FARS2: variants seen among roughly 807,000 people sequenced by gnomAD.
FARS2 encodes phenylalanyl-tRNA synthetase 2, mitochondrial.
In FARS2, 40 loss-of-function variants were observed where a neutral mutation model predicts 46.4. That is an observed-to-expected ratio of 0.86 (90% CI 0.67 to 1.12). The LOEUF is 1.12. FARS2 is among the 50% of genes most tolerant of loss of function. The pLI, the probability that FARS2 is intolerant of heterozygous loss-of-function variation, is 0.00. For synonymous variants in FARS2, 234 were observed against 214.9 expected, an observed-to-expected ratio of 1.09 and a Z score of -0.78; for missense variants, 513 against 567.9, an observed-to-expected ratio of 0.90 and a Z score of 0.98.
intron 4 of FARS2, among the ~76,000 whole-genome samples, chr6:5,500,522 G>A (rs1206599342): frequency 6.6e-6 from 1 of 152,204 alleles, no homozygotes; most frequent in African/African-American, 2.4e-5. Flanking sequence ...CTCAGATGCA[G>A]CTTGCAGAGG....
At chr6:5,650,670 G>C (rs560711342) in intron 6 of FARS2, among the ~76,000 whole-genome samples, 3 of 152,086 alleles carry the variant, frequency 2.0e-5, no homozygotes, top group Non-Finnish European at 4.4e-5. Flanking sequence ...TAGTAGATGG[G>C]GTTTCACCGT....
intron 6 of FARS2, among the ~76,000 whole-genome samples, chr6:5,746,719 CCAGT>C (rs1356502981): frequency 6.6e-6 from 1 of 151,990 alleles, no homozygotes; most frequent in Non-Finnish European, 1.5e-5. Context: ...CTTTGTCGCC[CCAGT>C]CAGTGCATGG....
chr6:5,519,326 G>A (rs1255694448), intron 4 of FARS2, among the ~76,000 whole-genome samples: 2 of 152,176 alleles, frequency 1.3e-5, no homozygotes, highest in African/African-American at 2.4e-5. Context: ...TGGTGTGATA[G>A]AAGCCAGATC....
Position 5,616,025 on chromosome 6 carries a change from A to C in FARS2, c.1217+2705A>C, listed in dbSNP as rs897210792. On this transcript the variant is annotated intron_variant, in intron 6 of 6. Coordinates refer to ENST00000274680, the MANE Select transcript of FARS2 (RefSeq NM_006567.5). ...CCATAGCTCTTAAAAAAAAAAAAAA[A>C]AAAAAAAAAACAACGAAACAAACAA... is the stretch of plus-strand genomic sequence containing the variant. Among the ~76,000 whole-genome samples, 23 of 151,074 alleles carry C rather than the reference A, an allele frequency of 1.5e-4. No individual in the cohort carries two copies. The East Asian group carries it at 2.3e-3, about 15-fold the overall frequency.
intron 6 of FARS2, among the ~76,000 whole-genome samples, chr6:5,710,345 C>A (rs1290117288): frequency 6.6e-6 from 1 of 152,134 alleles, no homozygotes; most frequent in Non-Finnish European, 1.5e-5. Flanking sequence ...TAAATGGGAC[C>A]CTTTGTGTAG....
chr6:5,445,845 C>G (rs534041992), intron 4 of FARS2, among the ~76,000 whole-genome samples: 17 of 152,220 alleles, frequency 1.1e-4, no homozygotes, highest in African/African-American at 4.1e-4. Flanking sequence ...TGACAGTAAC[C>G]TAGGAGGCTG....
intron 5 of FARS2, among the ~76,000 whole-genome samples, chr6:5,564,183 G>A (rs1019276591): frequency 2.6e-5 from 4 of 152,188 alleles, no homozygotes; most frequent in Non-Finnish European, 4.4e-5. Context: ...GCAAATAGTA[G>A]AGTGAGGACA....
chr6:5,565,780 A>G (rs2150548344), intron 5 of FARS2, among the ~76,000 whole-genome samples: 1 of 152,334 alleles, frequency 6.6e-6, no homozygotes, highest in Admixed American at 6.5e-5. Context: ...TGAACTATCC[A>G]AAAAGCCAGG....
At chr6:5,440,278 A>G (rs1383400066) in intron 4 of FARS2, among the ~76,000 whole-genome samples, 1 of 152,234 alleles carries the variant, frequency 6.6e-6, no homozygotes, top group Non-Finnish European at 1.5e-5. Flanking sequence ...TATAAAAAGT[A>G]GAATCATACT....
At chr6:5,441,522 C>T (rs1763842715) in intron 4 of FARS2, among the ~76,000 whole-genome samples, 3 of 152,210 alleles carry the variant, frequency 2.0e-5, no homozygotes, top group Admixed American at 6.5e-5. Flanking sequence ...TAGCTCCTTT[C>T]ATGACTTTAG....
At chr6:5,757,592 G>C (rs1328501575) in intron 6 of FARS2, among the ~76,000 whole-genome samples, 1 of 152,206 alleles carries the variant, frequency 6.6e-6, no homozygotes, top group Admixed American at 6.5e-5. Context: ...GTGCTTTGAG[G>C]TGGGATATAG....
chr6:5,325,344 C>T (rs993190344), intron 1 of FARS2, among the ~76,000 whole-genome samples: 69 of 152,264 alleles, frequency 4.5e-4, no homozygotes, highest in Non-Finnish European at 1.0e-4. Context: ...ACTAATTTTG[C>T]TCCCTGGTGC....
intron 6 of FARS2, among the ~76,000 whole-genome samples, chr6:5,714,836 C>G (rs1411948060): frequency 6.6e-6 from 1 of 152,074 alleles, no homozygotes; most frequent in African/African-American, 2.4e-5. Context: ...ACCAGTCTGG[C>G]TAACATGGTA....
chr6:5,731,172 A>C (rs1038967569), intron 6 of FARS2, among the ~76,000 whole-genome samples: 1 of 152,204 alleles, frequency 6.6e-6, no homozygotes, highest in South Asian at 2.1e-4. Flanking sequence ...GCTTTTTAAA[A>C]GAGGCATAAA....
intron 5 of FARS2, among the ~76,000 whole-genome samples, chr6:5,600,697 C>T (rs1183142908): frequency 6.6e-6 from 1 of 152,172 alleles, no homozygotes; most frequent in African/African-American, 2.4e-5. Flanking sequence ...GGGCTATAAA[C>T]AGACTGGAAG....
At chr6:5,494,088 T>C (rs1347920606) in intron 4 of FARS2, among the ~76,000 whole-genome samples, 1 of 152,070 alleles carries the variant, frequency 6.6e-6, no homozygotes, top group Non-Finnish European at 1.5e-5. Context: ...ACGTTGTTTT[T>C]CTCTAGCTCT....
chr6:5,350,170 T>A (rs1757485945), intron 1 of FARS2, among the ~76,000 whole-genome samples: 1 of 31,890 alleles, frequency 3.1e-5, no homozygotes, highest in Non-Finnish European at 8.1e-5. Context: ...GCCTGGCAAA[T>A]TTTTTTTTTT....
At chr6:5,603,231 G>A (rs535983259) in intron 5 of FARS2, among the ~76,000 whole-genome samples, 1 of 152,154 alleles carries the variant, frequency 6.6e-6, no homozygotes, top group Non-Finnish European at 1.5e-5. Flanking sequence ...AAGAAGCTGG[G>A]ACTACAGGCA....
intron 1 of FARS2, among the ~76,000 whole-genome samples, chr6:5,358,697 T>C (rs1412333199): frequency 6.6e-6 from 1 of 152,228 alleles, no homozygotes; most frequent in Non-Finnish European, 1.5e-5. Context: ...GTGATATCTT[T>C]AGACACTTCA....
Sources: allele counts gnomAD v4.1 joint callset (sites outside exome capture counted in the v4.1 genomes callset), GRCh38; gene constraint gnomAD v4.1.1; transcripts MANE v1.5; gene names NCBI Gene and HGNC (gene_info 2026-07-23, HGNC 2026-07-21).